SLAMF6: variants seen among roughly 807,000 people sequenced by gnomAD.
The protein encoded by SLAMF6 is SLAM family member 6.
In SLAMF6, 21 loss-of-function variants were observed where a neutral mutation model predicts 38.3. The ratio of observed to expected loss-of-function variants is 0.55; its 90% CI spans 0.39 to 0.79. SLAMF6 has a LOEUF of 0.79. Among genes scored for constraint, SLAMF6 ranks in the 30% least tolerant of loss-of-function variants. SLAMF6 has a pLI of 0.00. For synonymous variants in SLAMF6, 152 were observed against 146.3 expected, an observed-to-expected ratio of 1.04 and a Z score of -0.28; for missense variants, 341 against 385.3, an observed-to-expected ratio of 0.89 and a Z score of 0.96.
chr1:160,510,651 A>G (rs879595978), intron 1 of SLAMF6, among the ~76,000 whole-genome samples: 22 of 152,216 alleles, frequency 1.4e-4, no homozygotes, highest in African/African-American at 4.6e-4. Context: ...ATAAAAGACT[A>G]AAAGCCTTTC....
At position 160,496,196 on chromosome 1, in the gene SLAMF6, C is replaced by T; in HGVS notation, c.247G>A (p.Gly83Arg). The part of the protein sequence containing the change: ...PEIHVTNPKQ[G>R]KRLNFTQSYS... ...GACTGGGTGAAGTTCAGTCGCTTTC[C>T]CTGTTTCGGATTAGTCACGTGGATT... The change falls in exon 2 of 8, where the codon GGA (glycine) becomes AGA (arginine). Residue 83 changes from glycine (G) to arginine (R), a missense_variant. Gly to Arg is a moderately radical substitution (Grantham distance 125). Transcript: ENST00000368057. The T allele has an allele frequency of 1.2e-6, 2 of 1,613,862 alleles. No homozygotes were observed. The highest frequency in any genetic ancestry group is 1.7e-6 in the Non-Finnish European group (2 of 1,179,898).
At chr1:160,518,788 G>A (rs935736647) in intron 1 of SLAMF6, among the ~76,000 whole-genome samples, 5 of 152,048 alleles carry the variant, frequency 3.3e-5, no homozygotes, top group African/African-American at 1.2e-4. Context: ...GGGGGAGAGA[G>A]AGCATCAGGA....
chr1:160,516,736 C>A (rs540710134), intron 1 of SLAMF6, among the ~76,000 whole-genome samples: 16 of 152,080 alleles, frequency 1.1e-4, no homozygotes, highest in African/African-American at 3.6e-4. Flanking sequence ...CTTCAAAAAA[C>A]GTGACAAAAA....
At chr1:160,516,707 A>G (rs1654760833) in intron 1 of SLAMF6, among the ~76,000 whole-genome samples, 1 of 152,194 alleles carries the variant, frequency 6.6e-6, no homozygotes, top group East Asian at 1.9e-4. Flanking sequence ...ATAAGACTGC[A>G]CATCTACCAC....
intron 1 of SLAMF6, among the ~76,000 whole-genome samples, chr1:160,521,500 C>G (rs149831171): frequency 6.6e-6 from 1 of 152,092 alleles, no homozygotes; most frequent in Admixed American, 6.6e-5. Context: ...AAAAATGAAG[C>G]AAAAACTCAA....
chr1:160,490,731 G>A lies in SLAMF6; in HGVS notation c.647-46C>T, dbSNP rs201041181. On this transcript the variant is annotated intron_variant, in intron 3 of 7. Transcript: ENST00000368057. Reference sequence around the variant, plus strand: ...TGACATTTGAGACACATCAAGTGAGGCCCACTGTTCTTGGAGCCTCCGTGG... The same window carrying A: ...TGACATTTGAGACACATCAAGTGAGACCCACTGTTCTTGGAGCCTCCGTGG... 249 of 1,601,634 alleles carry A rather than the reference G, an allele frequency of 1.6e-4. No individual in the cohort carries two copies. The African/African-American group carries it at 3.0e-3, about 19-fold the overall frequency.
At chr1:160,499,375 G>T (rs1264495930) in intron 1 of SLAMF6, among the ~76,000 whole-genome samples, 1 of 152,116 alleles carries the variant, frequency 6.6e-6, no homozygotes, top group African/African-American at 2.4e-5. Flanking sequence ...TTGTAAGGGT[G>T]TGGCTTTATT....
intron 1 of SLAMF6, among the ~76,000 whole-genome samples, chr1:160,511,884 G>A (rs2102059059): frequency 6.6e-6 from 1 of 152,290 alleles, no homozygotes; most frequent in African/African-American, 2.4e-5. Context: ...TGGAACAACA[G>A]CCCACCTGGA....
chr1:160,516,979 G>A (rs1030944263), intron 1 of SLAMF6, among the ~76,000 whole-genome samples: 1 of 152,200 alleles, frequency 6.6e-6, no homozygotes, highest in East Asian at 1.9e-4. Context: ...ATCACTGAAA[G>A]CAATTGCAAC....
chr1:160,522,448 G>T (rs1367839414), intron 1 of SLAMF6, among the ~76,000 whole-genome samples: 4 of 152,246 alleles, frequency 2.6e-5, no homozygotes, highest in African/African-American at 9.6e-5. Context: ...GCTACACTTT[G>T]TCTCCCGTGG....
intron 1 of SLAMF6, among the ~76,000 whole-genome samples, chr1:160,510,178 T>C (rs1277178496): frequency 6.6e-6 from 1 of 152,116 alleles, no homozygotes; most frequent in Non-Finnish European, 1.5e-5. Context: ...AAAGAATAAT[T>C]AGTTTCAATT....
chr1:160,495,950 A>G lies in SLAMF6; in HGVS notation c.382+111T>C, dbSNP rs536043562. On this transcript the variant is annotated intron_variant, in intron 2 of 7. Coordinates refer to ENST00000368057, the MANE Select transcript of SLAMF6 (RefSeq NM_001184714.2). ...TGTTGACACTGACTCAATGACTCCA[A>G]ATGCCATATTCTTTACCACTAGGCG... 1.9e-5 allele frequency: 18 copies of G among 971,118 alleles called. No individual in the cohort carries two copies. The East Asian group carries it at 4.4e-4, about 24-fold the overall frequency. The allele number at this position is 971,118 out of a possible 1,614,324, so 60.2% of individuals were successfully genotyped here.
intron 2 of SLAMF6, among the ~76,000 whole-genome samples, 178 bp downstream of exon 2, chr1:160,495,883 C>T (rs1320531585): frequency 1.3e-5 from 2 of 152,178 alleles, no homozygotes; most frequent in African/African-American, 4.8e-5. Flanking sequence ...GACTTAGGCT[C>T]TGTCTTCAGC....
chr1:160,496,468 A>C, intron 1 of SLAMF6, 75 bp from the exon 2 acceptor site: 1 of 1,435,558 alleles, frequency 7.0e-7, no homozygotes, highest in Non-Finnish European at 9.6e-7. Context: ...CTTTCACCTA[A>C]CGCTGCCAGT....
intron 3 of SLAMF6, 80 bp from the exon 4 acceptor site, chr1:160,490,765 C>T (rs1653244703): frequency 6.5e-7 from 1 of 1,542,856 alleles, no homozygotes; most frequent in Non-Finnish European, 8.7e-7. Flanking sequence ...GGAGCCTCTT[C>T]TAGGCCATCT....
intron 6 of SLAMF6, among the ~76,000 whole-genome samples, 182 bp from the exon 7 acceptor site, chr1:160,487,357 G>A (rs1303213665): frequency 2.0e-5 from 3 of 152,144 alleles, no homozygotes; most frequent in Non-Finnish European, 4.4e-5. Flanking sequence ...AGGATTTAGT[G>A]GCATTTCCTG....
intron 1 of SLAMF6, among the ~76,000 whole-genome samples, chr1:160,522,537 G>A (rs2102077083): frequency 6.6e-6 from 1 of 152,232 alleles, no homozygotes; most frequent in South Asian, 2.1e-4. Context: ...GAAGCCAGCT[G>A]GATCAGTTCA....
intron 2 of SLAMF6, among the ~76,000 whole-genome samples, chr1:160,491,919 T>C (rs1205306236): frequency 1.3e-5 from 2 of 152,084 alleles, no homozygotes; most frequent in Non-Finnish European, 2.9e-5. Flanking sequence ...CTATTGTATC[T>C]AAAGCTGGCT....
rs111767017 is a variant in SLAMF6, at chr1:160,518,110, T to TA, written c.49+5033dup. Among the ~76,000 whole-genome samples, 945 of 145,520 alleles carry TA rather than the reference T, an allele frequency of 6.5e-3. 1 individual carries two copies. Among genetic ancestry groups the TA allele is most frequent in the African/African-American group, 0.011 (441 of 39,908 alleles). On this transcript the variant is annotated intron_variant, in intron 1 of 7. Coordinates refer to ENST00000368057, the MANE Select transcript of SLAMF6 (RefSeq NM_001184714.2). ...TCCATTAAACTTACTCTTCAGGTGT[T>TA]AAAAAAAAAAAGAAGACATTTATGT...
Sources: gnomAD v4.1 joint callset for allele counts (sites outside exome capture counted in the v4.1 genomes callset) on GRCh38, gnomAD v4.1.1 for gene constraint, MANE v1.5 for transcripts, NCBI Gene and HGNC (gene_info 2026-07-23, HGNC 2026-07-21) for gene names.